The following PRKAR2A variants were observed in gnomAD, a reference collection of about 807,000 sequenced individuals.
PRKAR2A encodes protein kinase cAMP-dependent type II regulatory subunit alpha.
A neutral mutation model predicts 51.9 loss-of-function variants in PRKAR2A; 29 were observed. That is an observed-to-expected ratio of 0.56 (90% CI 0.42 to 0.76). The LOEUF is 0.76. PRKAR2A is among the 30% of genes least tolerant of loss of function. PRKAR2A has a pLI of 0.00. For synonymous variants in PRKAR2A, 178 were observed against 186.2 expected (o/e 0.96, Z 0.36); for missense variants, 445 against 512.1 (o/e 0.87, Z 1.26).
chr3:48,839,628 T>C (rs895462697), intron 1 of PRKAR2A, among the ~76,000 whole-genome samples: 2 of 152,308 alleles, frequency 1.3e-5, no homozygotes, highest in Admixed American at 1.3e-4. Flanking sequence ...AAATAACAGC[T>C]AGTAAGTTTT....
intron 1 of PRKAR2A, among the ~76,000 whole-genome samples, chr3:48,831,101 A>G (rs965195319): frequency 1.3e-5 from 2 of 152,118 alleles, no homozygotes; most frequent in African/African-American, 4.8e-5. Flanking sequence ...GGGATGTACT[A>G]TACATAATTA....
chr3:48,842,429 G>A (rs1283518604), intron 1 of PRKAR2A, among the ~76,000 whole-genome samples: 1 of 152,052 alleles, frequency 6.6e-6, no homozygotes, highest in Non-Finnish European at 1.5e-5. Flanking sequence ...TAATTGCCCT[G>A]GCCACAACTT....
rs1352571499 is a variant in PRKAR2A, at chr3:48,847,023, A to G, written c.262+312T>C. On this transcript the variant is annotated intron_variant, in intron 1 of 10. Coordinates refer to ENST00000265563, the MANE Select transcript of PRKAR2A (RefSeq NM_004157.4). The surrounding 1 kb of genome is among the most constrained non-coding windows in gnomAD (Gnocchi z 4.4). The stretch of plus-strand genomic sequence containing the variant: ...GAGAACGCTGTTGTCTTCGAAGCCA[A>G]AACTGGTGAAGGGTCTTAAGCAAAG... Among the ~76,000 whole-genome samples the G allele has an allele frequency of 1.3e-5, 2 of 152,252 alleles. No homozygotes were observed. The highest frequency in any genetic ancestry group is 6.5e-5 in the Admixed American group (1 of 15,284).
chr3:48,809,814 T>C (rs371603143), intron 1 of PRKAR2A, among the ~76,000 whole-genome samples: 1 of 152,262 alleles, frequency 6.6e-6, no homozygotes, highest in African/African-American at 2.4e-5. Flanking sequence ...TGAAGTCATC[T>C]GGTCTGGCCA....
chr3:48,768,663 A>ACTCCAG (rs2081977432), intron 6 of PRKAR2A, among the ~76,000 whole-genome samples: 1 of 151,974 alleles, frequency 6.6e-6, no homozygotes. Flanking sequence ...ACACCACTAT[A>ACTCCAG]CTCCAGCCTG....
chr3:48,835,809 C>T (rs1243497455), intron 1 of PRKAR2A, among the ~76,000 whole-genome samples: 1 of 151,562 alleles, frequency 6.6e-6, no homozygotes, highest in East Asian at 1.9e-4. Context: ...TTCTAGGGAC[C>T]CAAAATAGCC....
Position 48,751,501 on chromosome 3 carries a change from T to TG in PRKAR2A, c.*83dup, listed in dbSNP as rs1334334596. 3 of 1,574,500 alleles carry TG rather than the reference T, an allele frequency of 1.9e-6. No individual in the cohort carries two copies. The highest frequency in any genetic ancestry group is 1.3e-5 in the African/African-American group (1 of 74,188). The stretch of plus-strand genomic sequence containing the variant: ...GTGGCGGCAACGGCAGGAACAGTTC[T>TG]GTCATGTCTGTTTTCTGTATGTGTT... On this transcript the variant is annotated 3_prime_UTR_variant, in exon 11 of 11. Transcript: ENST00000265563.
At chr3:48,760,426 T>C (rs1290455237) in intron 8 of PRKAR2A, among the ~76,000 whole-genome samples, 1 of 151,880 alleles carries the variant, frequency 6.6e-6, no homozygotes, top group Non-Finnish European at 1.5e-5. Context: ...CCTGTAATCT[T>C]AGCTACTTGG....
chr3:48,829,207 T>C (rs2083124419), intron 1 of PRKAR2A, among the ~76,000 whole-genome samples: 1 of 151,580 alleles, frequency 6.6e-6, no homozygotes. Context: ...AAATCTCCTC[T>C]CTATTAAAAC....
intron 2 of PRKAR2A, among the ~76,000 whole-genome samples, chr3:48,796,943 T>C (rs1168516984): frequency 3.6e-4 from 55 of 152,176 alleles, no homozygotes; most frequent in Admixed American, 3.6e-3. Flanking sequence ...ACTGAGCATT[T>C]TGTAGTGGAC....
Position 48,808,225 on chromosome 3 carries a change from T to G in PRKAR2A, c.263-541A>C, listed in dbSNP as rs113600780. On this transcript the variant is annotated intron_variant, in intron 1 of 10. Coordinates refer to ENST00000265563, the MANE Select transcript of PRKAR2A (RefSeq NM_004157.4). Reference sequence around the variant, plus strand: ...ACCATGCCCGGCTATATTTTTGTATTTTTTAAGAGATGGGTTTTTTGTTTT... The same window carrying G: ...ACCATGCCCGGCTATATTTTTGTATGTTTTAAGAGATGGGTTTTTTGTTTT... Among the ~76,000 whole-genome samples the G allele has an allele frequency of 5.3e-5, 8 of 151,646 alleles. 1 individual carries two copies. Among genetic ancestry groups the G allele is most frequent in the South Asian group, 2.1e-4 (1 of 4,804 alleles).
intron 9 of PRKAR2A, among the ~76,000 whole-genome samples, chr3:48,754,371 G>T (rs191283344): frequency 6.6e-6 from 1 of 151,960 alleles, no homozygotes; most frequent in East Asian, 1.9e-4. Context: ...CTGAGTAGCT[G>T]TGACTACAGC....
intron 2 of PRKAR2A, among the ~76,000 whole-genome samples, chr3:48,794,690 G>A (rs758480899): frequency 4.0e-5 from 6 of 151,646 alleles, no homozygotes; most frequent in African/African-American, 2.4e-5. Context: ...ATGAGACTCC[G>A]TCTCAAAAAA....
intron 1 of PRKAR2A, among the ~76,000 whole-genome samples, chr3:48,807,983 A>G (rs2082700740): frequency 6.6e-6 from 1 of 152,130 alleles, no homozygotes; most frequent in South Asian, 2.1e-4. Context: ...TTGAATAAGA[A>G]GTCTACCAAA....
At position 48,836,221 on chromosome 3, in the gene PRKAR2A, C is replaced by T. The variant is rs71324925; in HGVS notation, c.262+11114G>A. ...CATCACGAGGTCAGGAGTTCAAGAC[C>T]AGCCTGACCAACATAGTGAAACCCC... On this transcript the variant is annotated intron_variant, in intron 1 of 10. Coordinates refer to ENST00000265563, the MANE Select transcript of PRKAR2A (RefSeq NM_004157.4). Among the ~76,000 whole-genome samples the T allele has an allele frequency of 1.7e-3, 251 of 151,124 alleles. 1 individual carries two copies. Among genetic ancestry groups the T allele is most frequent in the East Asian group, 3.6e-3 (18 of 5,058 alleles).
chr3:48,756,326 ACAAAT>A (rs2081763131), intron 9 of PRKAR2A, 48 bp downstream of exon 9: 1 of 1,483,792 alleles, frequency 6.7e-7, no homozygotes, highest in Admixed American at 1.7e-5. Flanking sequence ...ATTATTTAAA[ACAAAT>A]AGTTACTTTT....
intron 2 of PRKAR2A, among the ~76,000 whole-genome samples, chr3:48,801,778 C>T (rs993319965): frequency 3.3e-5 from 5 of 151,762 alleles, no homozygotes; most frequent in Middle Eastern, 6.8e-3. Context: ...TACTTGTTGC[C>T]CAGGCTGGAG....
chr3:48,756,215 CTAAA>C (rs2081761582), intron 9 of PRKAR2A, among the ~76,000 whole-genome samples, 160 bp downstream of exon 9: 1 of 152,216 alleles, frequency 6.6e-6, no homozygotes, highest in African/African-American at 2.4e-5. Flanking sequence ...CTAATCTAAT[CTAAA>C]TATGCTAAAT....
Position 48,750,738 on chromosome 3 carries a change from T to TGG in PRKAR2A, c.*845_*846dup. ...AAAGTGATAGCAACCCTCCAGACCCTGGCTCCTTATAAATGTATAGCAATT... is the reference window on the plus strand; with the variant it reads ...AAAGTGATAGCAACCCTCCAGACCCTGGGGCTCCTTATAAATGTATAGCAATT... On this transcript the variant is annotated 3_prime_UTR_variant, in exon 11 of 11. Transcript: ENST00000265563. The TGG allele has an allele frequency of 6.5e-6, 1 of 153,012 alleles. No individual in the cohort carries two copies. The highest frequency in any genetic ancestry group is 2.4e-5 in the African/African-American group (1 of 41,582). 9.5% of individuals were successfully genotyped at this position (153,012 alleles called of 1,614,324 possible).
Sources: allele counts gnomAD v4.1 joint callset (sites outside exome capture counted in the v4.1 genomes callset), GRCh38; gene constraint gnomAD v4.1.1; non-coding constraint Gnocchi (gnomAD v3.1); transcripts MANE v1.5; gene names NCBI Gene and HGNC (gene_info 2026-07-23, HGNC 2026-07-21).